Variants in RTL4 observed in about 807,000 individuals in gnomAD.
The protein encoded by RTL4 is retrotransposon Gag like 4, also known as retrotransposon Gag-like protein 4.
In RTL4, 4 loss-of-function variants were observed where a neutral mutation model predicts 5.3. That is an observed-to-expected ratio of 0.75 (90% confidence interval 0.37 to 1.72). The LOEUF is 1.72. Among genes scored for constraint, RTL4 ranks in the 40% most tolerant of loss-of-function variants. The pLI is 0.04. For synonymous variants in RTL4, 98 were observed against 87.3 expected, an observed-to-expected ratio of 1.12 and a Z score of -0.68; for missense variants, 260 against 227.1, an observed-to-expected ratio of 1.14 and a Z score of -0.93.
chrX:112,371,541 T>A, the RTL4 span, among the ~76,000 whole-genome samples: 1 of 111,974 alleles, frequency 8.9e-6, no homozygotes, highest in African/African-American at 3.2e-5. Context: ...AAGCAGAACA[T>A]CTACTTATAT....
the RTL4 span, among the ~76,000 whole-genome samples, chrX:112,235,840 A>G: frequency 9.0e-6 from 1 of 111,528 alleles, no homozygotes. Flanking sequence ...AAATCTGGGA[A>G]ATAGTATCAT....
At chrX:112,350,868 C>T in the RTL4 span, among the ~76,000 whole-genome samples, 1 of 111,380 alleles carries the variant, frequency 9.0e-6, no homozygotes, top group Admixed American at 9.6e-5. Context: ...CTATTTCCTT[C>T]AGTTCTGCTC....
chrX:112,359,652 T>C, the RTL4 span, among the ~76,000 whole-genome samples: 295 of 111,266 alleles, frequency 2.7e-3, no homozygotes, highest in Non-Finnish European at 4.3e-3. Context: ...CCCTATCTCT[T>C]GGGACTGAAG....
the RTL4 span, among the ~76,000 whole-genome samples, chrX:112,278,345 G>T: frequency 9.0e-6 from 1 of 111,715 alleles, no homozygotes; most frequent in Non-Finnish European, 1.9e-5. Flanking sequence ...TAAAACATTG[G>T]CAGTCAGGCC....
the RTL4 span, among the ~76,000 whole-genome samples, chrX:112,261,529 A>T: frequency 8.9e-6 from 1 of 111,792 alleles, no homozygotes; most frequent in Admixed American, 9.5e-5. Flanking sequence ...ACCACTGCTC[A>T]ACAAAATAAA....
At chrX:112,109,408 G>A in the RTL4 span, among the ~76,000 whole-genome samples, 14 of 111,530 alleles carry the variant, frequency 1.3e-4, no homozygotes, top group Non-Finnish European at 2.6e-4. Context: ...TGTGAAAGGG[G>A]ACCCGAGCAG....
At chrX:112,180,170 A>G in the RTL4 span, among the ~76,000 whole-genome samples, 1 of 111,177 alleles carries the variant, frequency 9.0e-6, no homozygotes, top group Non-Finnish European at 1.9e-5. Context: ...GTGTGTGAAT[A>G]AAAGGGGTTT....
chrX:112,156,110 T>C, the RTL4 span, among the ~76,000 whole-genome samples: 1 of 112,211 alleles, frequency 8.9e-6, no homozygotes, highest in Admixed American at 9.5e-5. Flanking sequence ...CTTCAAAGCC[T>C]GTTCTGAAAG....
At chrX:112,133,392 T>C in the RTL4 span, among the ~76,000 whole-genome samples, 25 of 111,914 alleles carry the variant, frequency 2.2e-4, no homozygotes, top group Admixed American at 2.4e-3. Flanking sequence ...AATGAAATGC[T>C]CAATTGTATT....
the RTL4 span, among the ~76,000 whole-genome samples, chrX:112,390,104 A>AT: frequency 8.9e-5 from 4 of 44,698 alleles, no homozygotes; most frequent in African/African-American, 3.7e-4. Flanking sequence ...GCATTTATAT[A>AT]TAATATATAT....
the RTL4 span, among the ~76,000 whole-genome samples, chrX:112,191,665 C>T: frequency 8.9e-6 from 1 of 111,774 alleles, no homozygotes; most frequent in Non-Finnish European, 1.9e-5. Context: ...TAGTCATCTC[C>T]TGTCACCAAA....
chrX:112,181,686 G>A, the RTL4 span, among the ~76,000 whole-genome samples: 1 of 112,086 alleles, frequency 8.9e-6, no homozygotes, highest in Non-Finnish European at 1.9e-5. Context: ...CCCAGTCAGG[G>A]ACTTACAGAT....
the RTL4 span, among the ~76,000 whole-genome samples, chrX:112,294,542 T>C: frequency 2.4e-4 from 27 of 111,428 alleles, no homozygotes; most frequent in Non-Finnish European, 4.1e-4. Context: ...GGGGTTGCAG[T>C]GAGCCGAGAT....
the RTL4 span, among the ~76,000 whole-genome samples, chrX:112,341,163 C>CAA: frequency 2.7e-3 from 210 of 77,659 alleles, 1 homozygote; most frequent in African/African-American, 8.9e-3. Flanking sequence ...TGATAGCAGG[C>CAA]AAAAAAAAAA....
chrX:112,381,973 C>T, the RTL4 span: 2,286 of 1,206,493 alleles, frequency 1.9e-3, 30 homozygotes, highest in African/African-American at 0.035. Flanking sequence ...ACTCCTCTGG[C>T]ATCAAGAGAG....
rs768864008 is a variant in RTL4 at position 112,455,296 on chromosome X, G to C, written c.568G>C (p.Asp190His). Residue 190 changes from aspartate (D) to histidine (H), a missense_variant, in exon 1 of 1, where the codon GAT (aspartate) becomes CAT (histidine). By Grantham distance (81) the Asp-to-His change is moderately conservative. Transcript: ENST00000340433. Reference sequence around the variant, plus strand: ...TGGTCAGTTCGAAAAGGCACTAGCTGATCCCAACCAGGATGAAGAGAGTGT... The same window carrying C: ...TGGTCAGTTCGAAAAGGCACTAGCTCATCCCAACCAGGATGAAGAGAGTGT... 7 of 1,211,563 alleles carry C rather than the reference G, an allele frequency of 5.8e-6. No homozygotes were observed. The East Asian group carries it at 2.1e-4, about 36-fold the overall frequency.
At chrX:112,199,188 C>T in the RTL4 span, among the ~76,000 whole-genome samples, 2 of 106,937 alleles carry the variant, frequency 1.9e-5, no homozygotes, top group Non-Finnish European at 3.8e-5. Context: ...ACTTGGGAGG[C>T]TGAGGCAGGA....
At chrX:112,128,457 G>C in the RTL4 span, among the ~76,000 whole-genome samples, 202 of 110,441 alleles carry the variant, frequency 1.8e-3, 1 homozygote, top group Non-Finnish European at 2.9e-3. Context: ...TGAGGAGTTC[G>C]AGACCAGCCT....
the RTL4 span, among the ~76,000 whole-genome samples, chrX:112,175,589 T>A: frequency 9.9e-4 from 109 of 109,969 alleles, no homozygotes; most frequent in African/African-American, 3.3e-3. Flanking sequence ...ATATGAACTT[T>A]AAAGTAGTTT....
Sources: allele counts gnomAD v4.1 joint callset (sites outside exome capture counted in the v4.1 genomes callset), GRCh38; gene constraint gnomAD v4.1.1; transcripts MANE v1.5; gene names NCBI Gene and HGNC (gene_info 2026-07-23, HGNC 2026-07-21).